The following TRARG1 variants were observed in gnomAD, a reference collection of about 807,000 sequenced individuals.
TRARG1 encodes the protein trafficking regulator of GLUT4 1.
Under a neutral mutation model 13.3 loss-of-function variants are expected in TRARG1, and 16 were observed. That is an observed-to-expected ratio of 1.20 (90% CI 0.81 to 1.83). The LOEUF is 1.83. TRARG1 is among the 40% of genes most tolerant of loss of function. The pLI, the probability that TRARG1 is intolerant of heterozygous loss-of-function variation, is 0.00. For synonymous variants in TRARG1, 113 were observed against 106.2 expected (o/e 1.06, Z -0.39); for missense variants, 250 against 237.4 (o/e 1.05, Z -0.35).
intron 1 of TRARG1, among the ~76,000 whole-genome samples, chr17:1,290,890 C>T (rs1444271404): frequency 6.9e-6 from 1 of 144,966 alleles, no homozygotes; most frequent in Non-Finnish European, 1.5e-5. Flanking sequence ...AGTGAGTTCT[C>T]GCGAGATCTG....
At chr17:1,296,087 C>G (rs778276750) in intron 2 of TRARG1, among the ~76,000 whole-genome samples, 1 of 152,240 alleles carries the variant, frequency 6.6e-6, no homozygotes, top group African/African-American at 2.4e-5. Context: ...ACCCCAGAAG[C>G]AAGCAGTGCA....
chr17:1,280,209 C>T lies in TRARG1; in HGVS notation c.208C>T (p.Leu70=), dbSNP rs1419726538. 6.2e-7 allele frequency: 1 copy of T among 1,614,114 alleles called. No individual in the cohort carries two copies. Among genetic ancestry groups the T allele is most frequent in the South Asian group, 1.1e-5 (1 of 91,066 alleles). ...CTTCAAGGCCATCTCCGAGGGGCAC[C>T]TGGAGGCCCCACTGCCTCGGTCCCC... ...LPFKAISEGH[L]EAPLPRSPSR... The change falls in exon 1 of 3, where the codon CTG becomes TTG. Residue 70 remains leucine, a synonymous_variant. Coordinates refer to ENST00000333813, the MANE Select transcript of TRARG1 (RefSeq NM_172367.3).
chr17:1,290,535 A>G (rs184142402), intron 1 of TRARG1, among the ~76,000 whole-genome samples: 11 of 152,206 alleles, frequency 7.2e-5, no homozygotes, highest in Admixed American at 5.2e-4. Context: ...ACCTCAAGCA[A>G]TCTGCCCACC....
At chr17:1,284,203 C>T (rs2072004811) in intron 1 of TRARG1, among the ~76,000 whole-genome samples, 1 of 152,144 alleles carries the variant, frequency 6.6e-6, no homozygotes, top group Non-Finnish European at 1.5e-5. Flanking sequence ...CCCCTCCCAG[C>T]CCTGAGCAAC....
chr17:1,291,532 G>A (rs36008182), intron 1 of TRARG1, among the ~76,000 whole-genome samples: 43,591 of 152,150 alleles, frequency 0.29, 6,425 homozygotes, highest in East Asian at 0.41. Context: ...GAGCCTCTCT[G>A]GCCATGCTGA....
intron 1 of TRARG1, among the ~76,000 whole-genome samples, chr17:1,294,275 G>A (rs1382417719): frequency 6.6e-6 from 1 of 151,996 alleles, no homozygotes; most frequent in Non-Finnish European, 1.5e-5. Flanking sequence ...CGTTGAACTA[G>A]GTTCAGGAAG....
At chr17:1,282,230 ATG>A (rs1357443956) in intron 1 of TRARG1, among the ~76,000 whole-genome samples, 8 of 139,694 alleles carry the variant, frequency 5.7e-5, no homozygotes, top group African/African-American at 2.3e-4. Context: ...ACGTGCGTAT[ATG>A]TACGTATATG....
At chr17:1,281,574 G>A (rs1437744102) in intron 1 of TRARG1, among the ~76,000 whole-genome samples, 1 of 152,198 alleles carries the variant, frequency 6.6e-6, no homozygotes, top group African/African-American at 2.4e-5. Flanking sequence ...GCCTTCCTGA[G>A]TCTGAGGGAC....
rs768168367 is a variant in TRARG1, at chr17:1,280,136, G to T, written c.135G>T (p.Lys45Asn). 1 of 1,613,988 alleles carries T rather than the reference G, an allele frequency of 6.2e-7. No individual in the cohort carries two copies. The highest frequency in any genetic ancestry group is 8.5e-7 in the Non-Finnish European group (1 of 1,180,036). ...ATGACAAGACCCTGAATCTGTCCAAGACCCTCTCGGGGCCTCTGGATCTGG... is the reference window on the plus strand; with the variant it reads ...ATGACAAGACCCTGAATCTGTCCAATACCCTCTCGGGGCCTCTGGATCTGG... Reference protein sequence around the residue: ...NKDDKTLNLSKTLSGPLDLEQ... With the variant: ...NKDDKTLNLSNTLSGPLDLEQ... The change falls in exon 1 of 3, where the codon AAG (lysine) becomes AAT (asparagine). Residue 45 changes from lysine (K) to asparagine (N), a missense_variant. By Grantham distance (94) the Lys-to-Asn change is moderately conservative (BLOSUM62 0). Coordinates refer to ENST00000333813, the MANE Select transcript of TRARG1 (RefSeq NM_172367.3).
At chr17:1,297,847 T>C (rs879514231) in intron 2 of TRARG1, among the ~76,000 whole-genome samples, 48 of 152,136 alleles carry the variant, frequency 3.2e-4, no homozygotes, top group South Asian at 6.2e-4. Flanking sequence ...TCAGGTGATC[T>C]GCCCGCCTCT....
intron 2 of TRARG1, 108 bp from the exon 3 acceptor site, chr17:1,298,143 C>G (rs1005303896): frequency 6.5e-6 from 9 of 1,390,846 alleles, no homozygotes; most frequent in Non-Finnish European, 9.1e-6. Flanking sequence ...CCCCTTATCC[C>G]TATTACCACT....
In TRARG1 at chr17:1,279,899, C is replaced by G. The variant is rs552049549; in HGVS notation, c.-103C>G. ...GTCTCCTGAGGGACGCCCCTGCCCC[C>G]GACCTGGAGGCCCTCAGTCTGGGCT... On this transcript the variant is annotated 5_prime_UTR_variant, in exon 1 of 3. Transcript: ENST00000333813. 1.4e-6 allele frequency: 2 copies of G among 1,400,268 alleles called. No homozygotes were observed. The highest frequency in any genetic ancestry group is 1.9e-6 in the Non-Finnish European group (2 of 1,043,794). 86.7% of individuals were successfully genotyped at this position (1,400,268 alleles called of 1,614,324 possible).
intron 2 of TRARG1, among the ~76,000 whole-genome samples, chr17:1,296,803 G>A (rs550243825): frequency 1.6e-4 from 25 of 151,776 alleles, no homozygotes; most frequent in Admixed American, 7.2e-4. Context: ...CTGCCACCAC[G>A]CCCGGCTAAG....
intron 1 of TRARG1, among the ~76,000 whole-genome samples, chr17:1,294,808 C>T (rs554103533): frequency 1.5e-4 from 23 of 151,930 alleles, no homozygotes; most frequent in Non-Finnish European, 2.5e-4. Flanking sequence ...GCGTCAGCCT[C>T]CTGAGTAGCT....
chr17:1,286,708 G>A lies in TRARG1; in HGVS notation c.387+6320G>A, dbSNP rs1384978391. On this transcript the variant is annotated intron_variant, in intron 1 of 2. Coordinates refer to ENST00000333813, the MANE Select transcript of TRARG1 (RefSeq NM_172367.3). The stretch of plus-strand genomic sequence containing the variant: ...TCAGCCTGTGGGGTGTTGTTGGCCT[G>A]TGGGTGTTGTTTTCGGCCTGCGGGT... Among the ~76,000 whole-genome samples, 5 of 140,774 alleles carry A rather than the reference G, an allele frequency of 3.6e-5. No individual in the cohort carries two copies. In the South Asian group the frequency reaches 1.2e-3, roughly 32 times the overall value. The allele number at this position is 140,774 out of a possible 152,430, so 92.4% of individuals were successfully genotyped here. A position where few individuals can be genotyped will look rare whatever the true frequency, so the allele number is the denominator to read the frequency against.
At chr17:1,284,095 A>G (rs1189936272) in intron 1 of TRARG1, among the ~76,000 whole-genome samples, 2 of 151,646 alleles carry the variant, frequency 1.3e-5, no homozygotes, top group East Asian at 1.9e-4. Context: ...AGCCTGGGCG[A>G]CAGAGCAAGA....
At position 1,288,778 on chromosome 17, in the gene TRARG1, C is replaced by T. The variant is rs1048453995; in HGVS notation, c.388-6713C>T. On this transcript the variant is annotated intron_variant, in intron 1 of 2. Coordinates refer to ENST00000333813, the MANE Select transcript of TRARG1 (RefSeq NM_172367.3). ...TCCCCCACGGGTTCCCCATCCCCCACGGGCTCCCCATCCCCCTCCAGCTTC... is the reference window on the plus strand; with the variant it reads ...TCCCCCACGGGTTCCCCATCCCCCATGGGCTCCCCATCCCCCTCCAGCTTC... 6.5e-3 allele frequency among the ~76,000 whole-genome samples: 248 copies of T among 38,026 alleles called. 10 individuals carry two copies. Among genetic ancestry groups the T allele is most frequent in the Non-Finnish European group, 0.01 (195 of 18,584 alleles). The allele number at this position is 38,026 out of a possible 152,430, so 24.9% of individuals were successfully genotyped here. A position where few individuals can be genotyped will look rare whatever the true frequency, so the allele number is the denominator to read the frequency against.
In TRARG1 at chr17:1,294,691, CTT is replaced by C. The variant is rs35974763; in HGVS notation, c.388-787_388-786del. ...GTATTGGCCAAACTGGTCTCAAACT[CTT>C]TTTTTTTTTTTTGAGACGGAGTCTT... On this transcript the variant is annotated intron_variant, in intron 1 of 2. Coordinates refer to ENST00000333813, the MANE Select transcript of TRARG1 (RefSeq NM_172367.3). Among the ~76,000 whole-genome samples, 44 of 130,378 alleles carry C rather than the reference CTT, an allele frequency of 3.4e-4. No homozygotes were observed. In the East Asian group the frequency reaches 4.7e-3, roughly 14 times the overall value. 85.5% of individuals were successfully genotyped at this position (130,378 alleles called of 152,430 possible).
chr17:1,287,007 G>A (rs2072030040), intron 1 of TRARG1, among the ~76,000 whole-genome samples: 1 of 151,992 alleles, frequency 6.6e-6, no homozygotes, highest in African/African-American at 2.4e-5. Context: ...ATGCTGGTGA[G>A]GTGGCTGAGA....
Sources: gnomAD v4.1 joint callset for allele counts (sites outside exome capture counted in the v4.1 genomes callset) on GRCh38, gnomAD v4.1.1 for gene constraint, MANE v1.5 for transcripts, NCBI Gene and HGNC (gene_info 2026-07-23, HGNC 2026-07-21) for gene names.